Variants in UMAD1 observed in about 807,000 individuals in gnomAD.
The protein encoded by UMAD1 is UBAP1-MVB12-associated (UMA)-domain containing protein 1.
UMAD1 carries 8 observed loss-of-function variants against 6.1 expected under a neutral mutation model. That is an observed-to-expected ratio of 1.30 (90% CI 0.76 to 2.35). The LOEUF (loss-of-function observed/expected upper bound fraction) is 2.35. Among genes scored for constraint, UMAD1 ranks in the 30% most tolerant of loss-of-function variants. UMAD1 has a pLI of 0.00. For missense variants in UMAD1, 130 were observed against 78.4 expected (o/e 1.66, Z -2.49); for synonymous variants, 56 against 31.4 (o/e 1.78, Z -2.61).
intron 3 of UMAD1, among the ~76,000 whole-genome samples, chr7:7,808,267 C>T (rs186489576): frequency 6.6e-6 from 1 of 151,956 alleles, no homozygotes; most frequent in African/African-American, 2.4e-5. Flanking sequence ...GTTGCATCTA[C>T]TTCTACTGTG....
chr7:7,796,551 G>T (rs1032768455), intron 2 of UMAD1, among the ~76,000 whole-genome samples: 6 of 151,926 alleles, frequency 3.9e-5, no homozygotes, highest in Admixed American at 3.3e-4. Flanking sequence ...GTGCCCGGCC[G>T]ACCCATTTCT....
intron 2 of UMAD1, among the ~76,000 whole-genome samples, chr7:7,734,505 A>C (rs1439783476): frequency 6.6e-6 from 1 of 152,168 alleles, no homozygotes; most frequent in Non-Finnish European, 1.5e-5. Context: ...TTTCAGAGCT[A>C]AACCTCTCTC....
chr7:7,851,830 T>C (rs1783923384), intron 3 of UMAD1, among the ~76,000 whole-genome samples: 1 of 152,206 alleles, frequency 6.6e-6, no homozygotes, highest in South Asian at 2.1e-4. Context: ...ATTCTGTGGG[T>C]TGCCATTTTA....
At chr7:7,673,016 C>T (rs1001094374) in intron 1 of UMAD1, among the ~76,000 whole-genome samples, 1 of 152,158 alleles carries the variant, frequency 6.6e-6, no homozygotes, top group South Asian at 2.1e-4. Context: ...TCCAGATTCT[C>T]GTGTTATCTG....
chr7:7,789,189 A>G (rs1358736610), intron 2 of UMAD1, among the ~76,000 whole-genome samples: 1 of 152,220 alleles, frequency 6.6e-6, no homozygotes, highest in Non-Finnish European at 1.5e-5. Flanking sequence ...TGCAAGGCAT[A>G]GTAGCTGGGC....
At chr7:7,870,526 A>G (rs1399356144) in intron 3 of UMAD1, among the ~76,000 whole-genome samples, 1 of 152,182 alleles carries the variant, frequency 6.6e-6, no homozygotes, top group African/African-American at 2.4e-5. Context: ...TATTATGCAA[A>G]TGAAAAAAAT....
intron 1 of UMAD1, among the ~76,000 whole-genome samples, chr7:7,658,592 TG>T (rs1472978309): frequency 6.6e-6 from 1 of 152,260 alleles, no homozygotes; most frequent in Non-Finnish European, 1.5e-5. Flanking sequence ...TCATTGACTC[TG>T]TTTATATGCT....
At chr7:7,735,573 C>A (rs561743203) in intron 2 of UMAD1, among the ~76,000 whole-genome samples, 1 of 152,248 alleles carries the variant, frequency 6.6e-6, no homozygotes, top group African/African-American at 2.4e-5. Context: ...CCATACCCAG[C>A]TAATGTTTGT....
chr7:7,876,540 G>C (rs1171017105), intron 3 of UMAD1, among the ~76,000 whole-genome samples: 2 of 152,138 alleles, frequency 1.3e-5, no homozygotes, highest in African/African-American at 4.8e-5. Flanking sequence ...TCTATTGATT[G>C]ATATTTAGGT....
chr7:7,846,128 T>C (rs1448254111), intron 3 of UMAD1, among the ~76,000 whole-genome samples: 1 of 152,170 alleles, frequency 6.6e-6, no homozygotes, highest in Non-Finnish European at 1.5e-5. Flanking sequence ...ATTTATTTAA[T>C]GTGTCTGTGT....
intron 3 of UMAD1, among the ~76,000 whole-genome samples, chr7:7,843,603 C>G (rs1177271879): frequency 6.6e-6 from 1 of 152,132 alleles, no homozygotes; most frequent in Non-Finnish European, 1.5e-5. Context: ...TTTTATTGTG[C>G]TGTTTATTTG....
At chr7:7,872,079 A>G (rs113964123) in intron 3 of UMAD1, among the ~76,000 whole-genome samples, 1,881 of 151,864 alleles carry the variant, frequency 0.012, 42 homozygotes, top group African/African-American at 0.043. Context: ...CTACTCAGCC[A>G]TAAAAAAATA....
intron 3 of UMAD1, among the ~76,000 whole-genome samples, chr7:7,841,314 CTTTTT>C (rs35468754): frequency 9.5e-5 from 13 of 136,782 alleles, no homozygotes; most frequent in Admixed American, 7.4e-5. Context: ...AACAAGTGAT[CTTTTT>C]TTTTTTTTTT....
At chr7:7,772,495 CT>C (rs935429034) in intron 2 of UMAD1, 19 of 152,106 alleles carry the variant, frequency 1.2e-4, no homozygotes, top group African/African-American at 4.6e-4. Context: ...CTGCAGGGAC[CT>C]GTTTTTACAT....
intron 2 of UMAD1, among the ~76,000 whole-genome samples, chr7:7,791,075 A>G (rs1782559194): frequency 1.3e-5 from 2 of 152,180 alleles, no homozygotes; most frequent in Admixed American, 1.3e-4. Context: ...TTTAGTAGAC[A>G]TGGGGTTTCA....
intron 3 of UMAD1, among the ~76,000 whole-genome samples, chr7:7,820,572 T>C (rs555266769): frequency 1.3e-5 from 2 of 152,342 alleles, no homozygotes; most frequent in East Asian, 3.9e-4. Context: ...TTGCTAATGA[T>C]CATCTATGCT....
chr7:7,772,887 CAAG>C (rs1221216697), intron 2 of UMAD1, among the ~76,000 whole-genome samples: 1 of 152,094 alleles, frequency 6.6e-6, no homozygotes, highest in African/African-American at 2.4e-5. Context: ...AGATATAACA[CAAG>C]AAGCCTTTTT....
At chr7:7,706,349 G>C (rs895646052) in intron 2 of UMAD1, among the ~76,000 whole-genome samples, 1 of 152,238 alleles carries the variant, frequency 6.6e-6, no homozygotes, top group East Asian at 1.9e-4. Context: ...CCTAGTCTGG[G>C]TTTGCTGGTT....
chr7:7,716,582 G>C (rs1419174358), intron 2 of UMAD1, among the ~76,000 whole-genome samples: 2 of 152,200 alleles, frequency 1.3e-5, no homozygotes, highest in African/African-American at 2.4e-5. Context: ...GTCACCACGT[G>C]CACAGTAAAG....
Sources: gnomAD v4.1 joint callset for allele counts (sites outside exome capture counted in the v4.1 genomes callset) on GRCh38, gnomAD v4.1.1 for gene constraint, MANE v1.5 for transcripts, NCBI Gene and HGNC (gene_info 2026-07-23, HGNC 2026-07-21) for gene names.